Variants in MACROD1 observed in about 807,000 individuals in gnomAD.
MACROD1 encodes the protein mono-ADP ribosylhydrolase 1, also known as ADP-ribose glycohydrolase MACROD1.
MACROD1 carries 31 observed loss-of-function variants against 41.4 expected under a neutral mutation model. That is an observed-to-expected ratio of 0.75 (90% CI 0.56 to 1.01). The LOEUF (loss-of-function observed/expected upper bound fraction) is 1.01, where lower values mean the gene tolerates loss of function less well. Ranked by LOEUF, MACROD1 falls within the 50% of genes least tolerant of loss-of-function variation. The pLI is 0.00. For synonymous variants in MACROD1, 252 were observed against 203.4 expected, an observed-to-expected ratio of 1.24 and a Z score of -2.03; for missense variants, 473 against 460.0, an observed-to-expected ratio of 1.03 and a Z score of -0.26.
chr11:64,150,743 G>T (rs1437166309), intron 3 of MACROD1, among the ~76,000 whole-genome samples: 1 of 152,224 alleles, frequency 6.6e-6, no homozygotes, highest in Non-Finnish European at 1.5e-5. Context: ...GCCAGCAAGA[G>T]GCGAGCGCAG....
chr11:64,059,527 T>A (rs1943856161), intron 3 of MACROD1, among the ~76,000 whole-genome samples: 1 of 152,098 alleles, frequency 6.6e-6, no homozygotes, highest in Admixed American at 6.5e-5. Context: ...CCCCAGGCCA[T>A]CCCTGCCTGC....
intron 3 of MACROD1, among the ~76,000 whole-genome samples, chr11:64,038,578 A>C (rs1045209595): frequency 1.7e-4 from 26 of 152,108 alleles, no homozygotes; most frequent in Non-Finnish European, 8.8e-5. Context: ...GGCCTCCAGG[A>C]TCTAGCTGGG....
intron 3 of MACROD1, among the ~76,000 whole-genome samples, chr11:64,044,244 CCAA>C (rs1420209690): frequency 3.3e-5 from 5 of 151,832 alleles, no homozygotes; most frequent in Non-Finnish European, 7.4e-5. Context: ...GGCAGTTCCC[CCAA>C]CAACTTTTTT....
intron 3 of MACROD1, among the ~76,000 whole-genome samples, chr11:64,021,009 G>A (rs541247922): frequency 1.3e-5 from 2 of 152,190 alleles, no homozygotes; most frequent in East Asian, 3.9e-4. Context: ...GAGTCACGGC[G>A]CCCGGCCCCC....
At chr11:64,104,462 G>A (rs1386925994) in intron 3 of MACROD1, among the ~76,000 whole-genome samples, 1 of 152,150 alleles carries the variant, frequency 6.6e-6, no homozygotes. Context: ...ATGTAATGGA[G>A]TGGCCTCTCC....
chr11:64,024,629 G>C (rs1055339025), intron 3 of MACROD1, among the ~76,000 whole-genome samples: 2 of 152,258 alleles, frequency 1.3e-5, no homozygotes, highest in African/African-American at 4.8e-5. Flanking sequence ...ACCAGGAGAT[G>C]GCTTGGGCCC....
chr11:64,033,881 T>TA (rs1565202157), intron 3 of MACROD1, among the ~76,000 whole-genome samples: 3 of 152,080 alleles, frequency 2.0e-5, no homozygotes, highest in Non-Finnish European at 4.4e-5. Context: ...GTATTTTTTT[T>TA]ATCTCAAACT....
At chr11:64,094,685 T>C (rs1207510643) in intron 3 of MACROD1, among the ~76,000 whole-genome samples, 3 of 152,162 alleles carry the variant, frequency 2.0e-5, no homozygotes, top group South Asian at 4.1e-4. Flanking sequence ...CATTTGTCTT[T>C]GGGAAAAGTG....
intron 3 of MACROD1, among the ~76,000 whole-genome samples, chr11:64,086,230 G>GC (rs1254561351): frequency 6.6e-6 from 1 of 152,188 alleles, no homozygotes; most frequent in African/African-American, 2.4e-5. Context: ...AGCCCACCCT[G>GC]CCCCAGGTCT....
At chr11:64,094,999 C>G (rs1425744871) in intron 3 of MACROD1, among the ~76,000 whole-genome samples, 1 of 152,158 alleles carries the variant, frequency 6.6e-6, no homozygotes, top group African/African-American at 2.4e-5. Context: ...CTTCAAAGAG[C>G]CTCGTTATTA....
intron 3 of MACROD1, among the ~76,000 whole-genome samples, chr11:64,054,534 C>T (rs1943749455): frequency 6.6e-6 from 1 of 152,134 alleles, no homozygotes; most frequent in Admixed American, 6.5e-5. Flanking sequence ...CTCAGAGGTG[C>T]CTGATGGGGT....
chr11:64,014,401 C>CT (rs1482409526), intron 4 of MACROD1, among the ~76,000 whole-genome samples: 1 of 152,252 alleles, frequency 6.6e-6, no homozygotes, highest in Admixed American at 6.5e-5. Flanking sequence ...GCTCTTAATG[C>CT]TGCTCTTATT....
intron 3 of MACROD1, among the ~76,000 whole-genome samples, chr11:64,046,647 G>C (rs2134400870): frequency 1.3e-5 from 2 of 152,286 alleles, no homozygotes; most frequent in Non-Finnish European, 2.9e-5. Context: ...CTACAGGCGT[G>C]TGCCTCTATG....
intron 1 of MACROD1, among the ~76,000 whole-genome samples, chr11:64,161,509 C>G (rs1351253259): frequency 1.3e-5 from 2 of 152,216 alleles, no homozygotes; most frequent in African/African-American, 4.8e-5. Context: ...TCAAATGTAA[C>G]TTGGCTGAAA....
intron 3 of MACROD1, among the ~76,000 whole-genome samples, chr11:64,072,023 G>A (rs1565219521): frequency 6.6e-6 from 1 of 152,188 alleles, no homozygotes; most frequent in Admixed American, 6.5e-5. Context: ...CAAAACAAAC[G>A]CACTATTGAC....
chr11:64,155,270 G>GA (rs1354731933), intron 1 of MACROD1, among the ~76,000 whole-genome samples: 5 of 151,846 alleles, frequency 3.3e-5, no homozygotes, highest in East Asian at 1.9e-4. Flanking sequence ...AATTAAAAAA[G>GA]AAAAAAAAGA....
At chr11:64,002,115 A>C (rs903184021) in intron 4 of MACROD1, among the ~76,000 whole-genome samples, 1 of 152,204 alleles carries the variant, frequency 6.6e-6, no homozygotes. Flanking sequence ...GTATGTGTAC[A>C]TCAGTGTGAT....
Position 63,999,561 on chromosome 11 carries a change from C to T in MACROD1, c.787-1G>A. ...CGCCGGTGGAGATGCAGGGGAACGC[C>T]TGGGCGGGGAGGGGTGAGAGGGGGT... On this transcript the variant is annotated splice_acceptor_variant, in intron 6 of 10. Transcript: ENST00000255681. LOFTEE classifies it high-confidence loss of function. The T allele has an allele frequency of 6.2e-7, 1 of 1,610,252 alleles. No homozygotes were observed. The highest frequency in any genetic ancestry group is 1.7e-5 in the Admixed American group (1 of 59,660).
intron 3 of MACROD1, among the ~76,000 whole-genome samples, chr11:64,124,373 C>T (rs1945145834): frequency 6.6e-6 from 1 of 152,252 alleles, no homozygotes; most frequent in South Asian, 2.1e-4. Flanking sequence ...ATCCATCCAT[C>T]CATCACCGCC....
Sources: gnomAD v4.1 joint callset for allele counts (sites outside exome capture counted in the v4.1 genomes callset) on GRCh38, gnomAD v4.1.1 for gene constraint, MANE v1.5 for transcripts, NCBI Gene and HGNC (gene_info 2026-07-23, HGNC 2026-07-21) for gene names.